Variants in CACNG2 observed in about 807,000 individuals in gnomAD.
CACNG2 encodes the protein calcium voltage-gated channel auxiliary subunit gamma 2, also known as voltage-dependent calcium channel gamma-2 subunit.
CACNG2 carries 3 observed loss-of-function variants against 25.9 expected under a neutral mutation model. The ratio of observed to expected loss-of-function variants is 0.12; its 90% CI spans 0.05 to 0.30. The LOEUF (loss-of-function observed/expected upper bound fraction) is 0.30, where lower values mean the gene tolerates loss of function less well. CACNG2 is among the 10% of genes least tolerant of loss of function. The pLI is 1.00. For missense variants in CACNG2, 341 were observed against 432.5 expected (o/e 0.79, Z 1.88); for synonymous variants, 167 against 173.3 (o/e 0.96, Z 0.29).
At chr22:36,682,201 C>G (rs1290516715) in intron 1 of CACNG2, among the ~76,000 whole-genome samples, 1 of 152,236 alleles carries the variant, frequency 6.6e-6, no homozygotes, top group Non-Finnish European at 1.5e-5. Context: ...CTTGAAGGCC[C>G]TTGCAGGAGT....
chr22:36,608,078 G>A (rs114072460), intron 1 of CACNG2, among the ~76,000 whole-genome samples: 3 of 152,080 alleles, frequency 2.0e-5, no homozygotes, highest in East Asian at 1.9e-4. Flanking sequence ...GTTGATATCC[G>A]GGTAAGTGTT....
chr22:36,582,324 C>T (rs1302202071), intron 2 of CACNG2, among the ~76,000 whole-genome samples: 1 of 152,156 alleles, frequency 6.6e-6, no homozygotes, highest in African/African-American at 2.4e-5. Context: ...CTTCTTGTCT[C>T]ACGGGGCTCA....
At chr22:36,644,826 T>C (rs1225728069) in intron 1 of CACNG2, among the ~76,000 whole-genome samples, 1 of 152,196 alleles carries the variant, frequency 6.6e-6, no homozygotes, top group South Asian at 2.1e-4. Context: ...GTTTTTGTTT[T>C]TTTAAAGTTG....
chr22:36,570,188 C>T (rs953045844), intron 2 of CACNG2, among the ~76,000 whole-genome samples: 26 of 152,180 alleles, frequency 1.7e-4, no homozygotes, highest in Admixed American at 4.6e-4. Flanking sequence ...GAGGGAGCGT[C>T]GGCTGCGGAG....
At chr22:36,684,855 G>A (rs1937175176) in intron 1 of CACNG2, among the ~76,000 whole-genome samples, 1 of 152,210 alleles carries the variant, frequency 6.6e-6, no homozygotes, top group South Asian at 2.1e-4. Context: ...AGGTGGCAGA[G>A]TGCATCAGGA....
At chr22:36,597,118 G>T (rs777113987) in intron 1 of CACNG2, among the ~76,000 whole-genome samples, 1 of 152,284 alleles carries the variant, frequency 6.6e-6, no homozygotes, top group South Asian at 2.1e-4. Context: ...CGCCTCCCAG[G>T]TTCAAGCAAT....
intron 1 of CACNG2, among the ~76,000 whole-genome samples, chr22:36,596,396 A>G (rs554542629): frequency 6.6e-6 from 1 of 152,352 alleles, no homozygotes; most frequent in South Asian, 2.1e-4. Flanking sequence ...GGTTTGCAAC[A>G]ACAGAACGTG....
At chr22:36,687,210 C>T (rs751115981) in intron 1 of CACNG2, among the ~76,000 whole-genome samples, 25 of 152,174 alleles carry the variant, frequency 1.6e-4, no homozygotes, top group African/African-American at 2.7e-4. Flanking sequence ...CATTGTTAAC[C>T]GGTTTGTGGA....
intron 2 of CACNG2, among the ~76,000 whole-genome samples, chr22:36,580,528 G>T (rs1367777177): frequency 6.6e-6 from 1 of 152,120 alleles, no homozygotes; most frequent in East Asian, 1.9e-4. Context: ...GTGGCCTGGT[G>T]ATCCCCCCAT....
At chr22:36,626,348 C>A (rs1225256845) in intron 1 of CACNG2, among the ~76,000 whole-genome samples, 1 of 152,228 alleles carries the variant, frequency 6.6e-6, no homozygotes, top group Admixed American at 6.5e-5. Flanking sequence ...GCTTCTCCGG[C>A]AAAGCATAAC....
intron 1 of CACNG2, among the ~76,000 whole-genome samples, chr22:36,685,716 G>A (rs140916880): frequency 7.7e-4 from 118 of 152,354 alleles, no homozygotes; most frequent in East Asian, 7.1e-3. Context: ...CCGCTGTTCC[G>A]GGACCAAGGC....
rs1045233944 is a variant in CACNG2, at chr22:36,682,676, A to G, written c.211+19690T>C. ...AACACAATTATTTGGGATCATTATTAAATTGTGAGACCAAATGAAGCCAAC... is the reference window on the plus strand; with the variant it reads ...AACACAATTATTTGGGATCATTATTGAATTGTGAGACCAAATGAAGCCAAC... On this transcript the variant is annotated intron_variant, in intron 1 of 3. Transcript: ENST00000300105. 4.6e-5 allele frequency among the ~76,000 whole-genome samples: 7 copies of G among 152,204 alleles called. 1 individual carries two copies. Among genetic ancestry groups the G allele is most frequent in the Admixed American group, 4.6e-4 (7 of 15,278 alleles).
At chr22:36,573,660 T>A (rs1935269013) in intron 2 of CACNG2, among the ~76,000 whole-genome samples, 2 of 152,180 alleles carry the variant, frequency 1.3e-5, no homozygotes, top group Non-Finnish European at 2.9e-5. Context: ...ATCCCCACTC[T>A]ACAGAGACCA....
intron 1 of CACNG2, among the ~76,000 whole-genome samples, chr22:36,685,884 G>C (rs1276510921): frequency 6.6e-6 from 1 of 152,210 alleles, no homozygotes; most frequent in Non-Finnish European, 1.5e-5. Context: ...CTATGTGCCA[G>C]CCCCTGCCTT....
intron 1 of CACNG2, among the ~76,000 whole-genome samples, chr22:36,642,748 G>T (rs1041846848): frequency 9.2e-5 from 14 of 152,214 alleles, no homozygotes; most frequent in African/African-American, 3.4e-4. Context: ...CCTGCAGCTC[G>T]TTTGCCTGGC....
At position 36,564,470 on chromosome 22, in the gene CACNG2, T is replaced by TGGGCGTGGTGGC; in HGVS notation, c.841_852dup (p.Ala281_Pro284dup). ...TCCCTGTCGGAGTTGTAGGTGGCGG[T>TGGGCGTGGTGGC]GGGCGTGGTGGCGGCCTTCAGGGGG... is the stretch of plus-strand genomic sequence containing the variant. On this transcript the variant is annotated inframe_insertion, in exon 4 of 4. Transcript: ENST00000300105. This position sits in a 1 kb window ranked among gnomAD's most constrained non-coding sequence, Gnocchi z 6.7. 1 of 1,614,036 alleles carries TGGGCGTGGTGGC rather than the reference T, an allele frequency of 6.2e-7. No individual in the cohort carries two copies.
At chr22:36,641,704 A>C (rs1936444941) in intron 1 of CACNG2, among the ~76,000 whole-genome samples, 1 of 152,214 alleles carries the variant, frequency 6.6e-6, no homozygotes, top group South Asian at 2.1e-4. Flanking sequence ...TTCTAATAAT[A>C]TGAACAGAAT....
At chr22:36,662,886 C>A (rs960735770) in intron 1 of CACNG2, among the ~76,000 whole-genome samples, 19 of 152,098 alleles carry the variant, frequency 1.2e-4, no homozygotes, top group Non-Finnish European at 1.5e-5. Context: ...CCATGGGACA[C>A]CTGGTTATGC....
At chr22:36,584,567 A>G (rs1364289028) in intron 2 of CACNG2, 1 of 152,142 alleles carries the variant, frequency 6.6e-6, no homozygotes, top group African/African-American at 2.4e-5. Context: ...TATTTGGTTC[A>G]CTCTTGGATC....
Sources: allele counts gnomAD v4.1 joint callset (sites outside exome capture counted in the v4.1 genomes callset), GRCh38; gene constraint gnomAD v4.1.1; non-coding constraint Gnocchi (gnomAD v3.1); transcripts MANE v1.5; gene names NCBI Gene and HGNC (gene_info 2026-07-23, HGNC 2026-07-21).